CEP170: variants seen among roughly 807,000 people sequenced by gnomAD.
CEP170 encodes centrosomal protein 170.
A neutral mutation model predicts 151.9 loss-of-function variants in CEP170; 21 were observed. The ratio of observed to expected loss-of-function variants is 0.14; its 90% confidence interval spans 0.10 to 0.20. The LOEUF (loss-of-function observed/expected upper bound fraction) is 0.20. Ranked by LOEUF, CEP170 falls within the 10% of genes least tolerant of loss-of-function variation. The pLI is 1.00. For synonymous variants in CEP170, 356 were observed against 648.8 expected, an observed-to-expected ratio of 0.55 and a Z score of 6.86; for missense variants, 964 against 1,892.9, an observed-to-expected ratio of 0.51 and a Z score of 9.11.
At chr1:243,218,836 T>C (rs2062542553) in intron 3 of CEP170, among the ~76,000 whole-genome samples, 1 of 152,224 alleles carries the variant, frequency 6.6e-6, no homozygotes, top group African/African-American at 2.4e-5. Flanking sequence ...ACCATTTTAT[T>C]ATTTCTATTT....
chr1:243,175,717 A>G (rs191461016), intron 10 of CEP170, among the ~76,000 whole-genome samples: 1 of 152,188 alleles, frequency 6.6e-6, no homozygotes, highest in Non-Finnish European at 1.5e-5. Flanking sequence ...ACCTAGGAAC[A>G]TGCAAGGCTT....
chr1:243,221,025 C>CT (rs1260862156), intron 3 of CEP170, among the ~76,000 whole-genome samples: 16 of 150,906 alleles, frequency 1.1e-4, no homozygotes, highest in African/African-American at 3.5e-4. Context: ...TCTTTCTTTT[C>CT]TTTTCTTTTT....
rs146571102 is a variant in CEP170 at position 243,208,393 on chromosome 1, A to G, written c.274+3493T>C. ...AAAAAACAAAAACAAAAACGCCTCCAAAGACTACCCATTTCACTCAGAATA... is the reference window on the plus strand; with the variant it reads ...AAAAAACAAAAACAAAAACGCCTCCGAAGACTACCCATTTCACTCAGAATA... On this transcript the variant is annotated intron_variant, in intron 4 of 19. Transcript: ENST00000366542. 5.9e-3 allele frequency among the ~76,000 whole-genome samples: 898 copies of G among 152,278 alleles called. 3 individuals are homozygous for G. Among genetic ancestry groups the G allele is most frequent in the Non-Finnish European group, 9.3e-3 (635 of 68,024 alleles).
chr1:243,239,113 C>A (rs1426876613), intron 1 of CEP170, among the ~76,000 whole-genome samples: 1 of 152,098 alleles, frequency 6.6e-6, no homozygotes, highest in Non-Finnish European at 1.5e-5. Flanking sequence ...AAGATCAGAC[C>A]TTCCCTCTGC....
intron 18 of CEP170, 118 bp downstream of exon 18, chr1:243,129,242 T>C (rs1037620692): frequency 1.7e-6 from 1 of 604,112 alleles, no homozygotes; most frequent in Admixed American, 3.6e-5. Context: ...TTTCCCAAAA[T>C]TTTGCATTTA....
chr1:243,250,760 A>ATT (rs1488952898), intron 1 of CEP170, among the ~76,000 whole-genome samples: 1 of 152,132 alleles, frequency 6.6e-6, no homozygotes, highest in East Asian at 1.9e-4. Context: ...GCCATGTAAC[A>ATT]TTTCTCTCTC....
chr1:243,156,506 G>A (rs1558442098), intron 13 of CEP170, 51 bp from the exon 14 acceptor site: 2 of 1,478,638 alleles, frequency 1.4e-6, no homozygotes, highest in Admixed American at 4.7e-5. Flanking sequence ...TCATTTAAAG[G>A]AGGTAAAATA....
intron 10 of CEP170, among the ~76,000 whole-genome samples, chr1:243,174,051 C>T (rs2059059807): frequency 6.6e-6 from 1 of 151,962 alleles, no homozygotes; most frequent in South Asian, 2.1e-4. Context: ...GTTTGAAATG[C>T]AGATTCCAGG....
rs771495808 is a variant in CEP170, at chr1:243,172,845, A to G, written c.1568T>C (p.Val523Ala). ...ATCCTGATTGTCATCTACTCCAAACACCTAGAGGGAAAAATTATTTTATAA... is the reference window on the plus strand; with the variant it reads ...ATCCTGATTGTCATCTACTCCAAACGCCTAGAGGGAAAAATTATTTTATAA... Reference protein sequence around the residue: ...EVEARKMIDKVFGVDDNQDYN... With the variant: ...EVEARKMIDKAFGVDDNQDYN... Residue 523 changes from valine (V) to alanine (A), a missense_variant and splice_region_variant, in exon 11 of 20, where the codon GTG becomes GCG. Val to Ala is a moderately conservative substitution (Grantham distance 64). Transcript: ENST00000366542. 15 of 1,541,818 alleles carry G rather than the reference A, an allele frequency of 9.7e-6. No homozygotes were observed. The highest frequency in any genetic ancestry group is 1.3e-5 in the Non-Finnish European group (15 of 1,147,152).
chr1:243,153,110 G>A (rs1302384087), intron 14 of CEP170, among the ~76,000 whole-genome samples: 4 of 152,158 alleles, frequency 2.6e-5, no homozygotes, highest in Non-Finnish European at 5.9e-5. Context: ...CTGCAGATAT[G>A]GTGGAAACAG....
At chr1:243,239,073 CAT>C (rs1485281669) in intron 1 of CEP170, among the ~76,000 whole-genome samples, 3 of 152,308 alleles carry the variant, frequency 2.0e-5, no homozygotes, top group African/African-American at 7.2e-5. Context: ...TAATGTTACA[CAT>C]ATAATTTCAA....
At chr1:243,126,831 G>A (rs1017355700) in intron 19 of CEP170, 93 bp from the exon 20 acceptor site, 10 of 646,370 alleles carry the variant, frequency 1.5e-5, no homozygotes, top group African/African-American at 1.1e-4. Context: ...CTATCAGTGC[G>A]TATGTGATCT....
intron 14 of CEP170, among the ~76,000 whole-genome samples, chr1:243,153,771 A>G (rs983079903): frequency 2.0e-5 from 3 of 152,220 alleles, no homozygotes; most frequent in African/African-American, 7.2e-5. Flanking sequence ...GCCTTACTAT[A>G]GCGGTCTGAA....
At chr1:243,131,935 G>C (rs2054468092) in intron 17 of CEP170, among the ~76,000 whole-genome samples, 1 of 152,204 alleles carries the variant, frequency 6.6e-6, no homozygotes, top group Non-Finnish European at 1.5e-5. Flanking sequence ...CAATTCCCTA[G>C]TACTAGCCCT....
At chr1:243,206,132 A>G (rs999138874) in intron 4 of CEP170, among the ~76,000 whole-genome samples, 9 of 152,200 alleles carry the variant, frequency 5.9e-5, no homozygotes, top group Admixed American at 5.9e-4. Flanking sequence ...ATCCCCAGCA[A>G]CAGTAACTTT....
intron 3 of CEP170, 60 bp from the exon 4 acceptor site, chr1:243,212,024 G>C: frequency 1.5e-6 from 2 of 1,321,716 alleles, no homozygotes; most frequent in Non-Finnish European, 2.0e-6. Context: ...TTACATTTCA[G>C]ATAAGCAAAT....
At chr1:243,183,247 T>C (rs1027481467) in intron 10 of CEP170, among the ~76,000 whole-genome samples, 1 of 152,100 alleles carries the variant, frequency 6.6e-6, no homozygotes, top group African/African-American at 2.4e-5. Context: ...ATCAATGAAA[T>C]AGAACACATC....
intron 4 of CEP170, among the ~76,000 whole-genome samples, chr1:243,203,927 A>C (rs922126660): frequency 1.3e-5 from 2 of 152,074 alleles, no homozygotes; most frequent in East Asian, 1.9e-4. Context: ...CTATCTGCTT[A>C]ATTTTGCCTA....
At position 243,126,689 on chromosome 1, in the gene CEP170, G is replaced by A. The variant is rs1356924729; in HGVS notation, c.4515C>T (p.Asn1505=). 1 of 1,541,522 alleles carries A rather than the reference G, an allele frequency of 6.5e-7. No individual in the cohort carries two copies. The highest frequency in any genetic ancestry group is 8.8e-7 in the Non-Finnish European group (1 of 1,140,598). ...GCAACATAGCACTGGGAAATCCCATGTTGTTCAGAGCCTCCAAAGTTCCAT... is the reference window on the plus strand; with the variant it reads ...GCAACATAGCACTGGGAAATCCCATATTGTTCAGAGCCTCCAAAGTTCCAT... ...DPDGTLEALN[N]MGFPSAMLPS... Residue 1505 remains asparagine (N), a synonymous_variant, in exon 20 of 20, where the codon AAC becomes AAT. Transcript: ENST00000366542.
Sources: allele counts gnomAD v4.1 joint callset (sites outside exome capture counted in the v4.1 genomes callset), GRCh38; gene constraint gnomAD v4.1.1; transcripts MANE v1.5; gene names NCBI Gene and HGNC (gene_info 2026-07-23, HGNC 2026-07-21).